The following ZZEF1 variants were observed in gnomAD, a reference collection of about 807,000 sequenced individuals.
ZZEF1 encodes zinc finger ZZ-type and EF-hand domain containing 1, also known as zinc finger ZZ-type and EF-hand domain-containing protein 1.
A neutral mutation model predicts 342.8 loss-of-function variants in ZZEF1; 157 were observed. The ratio of observed to expected loss-of-function variants is 0.46; its 90% CI spans 0.40 to 0.52. The LOEUF is 0.52. Among genes scored for constraint, ZZEF1 ranks in the 20% least tolerant of loss-of-function variants. The pLI, the probability that ZZEF1 is intolerant of heterozygous loss-of-function variation, is 0.00. For synonymous variants in ZZEF1, 1,505 were observed against 1,429.1 expected, an observed-to-expected ratio of 1.05 and a Z score of -1.20; for missense variants, 3,480 against 3,725.6, an observed-to-expected ratio of 0.93 and a Z score of 1.72.
intron 12 of ZZEF1, among the ~76,000 whole-genome samples, chr17:4,089,508 AGC>A (rs1274063390): frequency 2.0e-5 from 3 of 152,278 alleles, no homozygotes; most frequent in Non-Finnish European, 2.9e-5. Flanking sequence ...TCCAAGGTTT[AGC>A]AAAAAATTAA....
At chr17:4,104,127 T>G (rs187434041) in intron 8 of ZZEF1, among the ~76,000 whole-genome samples, 1 of 152,286 alleles carries the variant, frequency 6.6e-6, no homozygotes, top group Admixed American at 6.5e-5. Context: ...TATGAATTAC[T>G]GCTAGGCCCA....
rs548501924 is a variant in ZZEF1, at chr17:4,053,024, C to T, written c.5435-888G>A. 3.3e-5 allele frequency among the ~76,000 whole-genome samples: 5 copies of T among 152,330 alleles called. No homozygotes were observed. In the South Asian group the frequency reaches 6.2e-4, roughly 19 times the overall value. On this transcript the variant is annotated intron_variant, in intron 34 of 54. Transcript: ENST00000381638. ...GTCATGGACCCTAAAGAATGCTCCT[C>T]GCGCCTGGCCCACTTCTGTTCATTC...
chr17:4,113,616 G>C (rs970346267), intron 4 of ZZEF1, among the ~76,000 whole-genome samples: 2 of 151,090 alleles, frequency 1.3e-5, no homozygotes, highest in African/African-American at 4.9e-5. Flanking sequence ...AGTGAACAGA[G>C]ATCATGCCAC....
intron 5 of ZZEF1, among the ~76,000 whole-genome samples, chr17:4,111,648 G>C (rs1433853348): frequency 1.5e-5 from 1 of 65,520 alleles, no homozygotes; most frequent in Non-Finnish European, 3.2e-5. Flanking sequence ...GACAATGCGA[G>C]GCTCTGTCTC....
chr17:4,010,603 T>C (rs916922191), intron 52 of ZZEF1, among the ~76,000 whole-genome samples: 2 of 150,144 alleles, frequency 1.3e-5, no homozygotes, highest in African/African-American at 4.9e-5. Context: ...TGGGCGCCTG[T>C]AATCCCAGCT....
Position 4,034,257 on chromosome 17 carries a change from G to T in ZZEF1, c.6342C>A (p.Val2114=). 1 of 1,614,200 alleles carries T rather than the reference G, an allele frequency of 6.2e-7. No individual in the cohort carries two copies. The highest frequency in any genetic ancestry group is 8.5e-7 in the Non-Finnish European group (1 of 1,180,034). Reference sequence around the variant, plus strand: ...TGACAACCTGAAACATGAGTGGAAGGACGTGCTCCAGGTCTATCAGGGGAA... The same window carrying T: ...TGACAACCTGAAACATGAGTGGAAGTACGTGCTCCAGGTCTATCAGGGGAA... ...PTVPLIDLEH[V]LPLMFQVVIS... Residue 2114 remains valine, a synonymous_variant, in exon 40 of 55, where the codon GTC becomes GTA. Coordinates refer to ENST00000381638, the MANE Select transcript of ZZEF1 (RefSeq NM_015113.4).
chr17:4,103,797 G>A (rs2058165631), intron 8 of ZZEF1, among the ~76,000 whole-genome samples: 1 of 152,098 alleles, frequency 6.6e-6, no homozygotes, highest in African/African-American at 2.4e-5. Flanking sequence ...GCATGCACCT[G>A]TGGTCCCAGG....
intron 2 of ZZEF1, among the ~76,000 whole-genome samples, chr17:4,123,142 G>A (rs1380371821): frequency 2.0e-5 from 3 of 149,780 alleles, no homozygotes; most frequent in South Asian, 2.1e-4. Context: ...GAATGATCTC[G>A]ATCTCCTGAC....
chr17:4,004,544 T>C lies in ZZEF1; in HGVS notation c.*2346A>G, dbSNP rs541832411. 2.0e-5 allele frequency: 3 copies of C among 152,722 alleles called. No individual in the cohort carries two copies. In the South Asian group the frequency reaches 6.2e-4, roughly 32 times the overall value. The allele number at this position is 152,722 out of a possible 1,614,324, so 9.5% of individuals were successfully genotyped here. On this transcript the variant is annotated 3_prime_UTR_variant, in exon 55 of 55. Coordinates refer to ENST00000381638, the MANE Select transcript of ZZEF1 (RefSeq NM_015113.4). ...TACAGGCTGAACTCACTCAGGCTGA[T>C]AGAATCAAAATTCTTTCAACCAAAT...
At chr17:4,025,750 G>T (rs939041543) in intron 42 of ZZEF1, among the ~76,000 whole-genome samples, 3 of 151,734 alleles carry the variant, frequency 2.0e-5, no homozygotes, top group Admixed American at 2.0e-4. Context: ...AGAGAGACTG[G>T]ATTTACTCTC....
In ZZEF1 at chr17:4,044,383, A is replaced by T. The variant is rs115744090; in HGVS notation, c.6016-9T>A. On this transcript the variant is annotated splice_polypyrimidine_tract_variant and intron_variant, in intron 37 of 54. Transcript: ENST00000381638. ...TGAACAGCTCTCTTTCCCTAAAAAA[A>T]CAAAAGTGTAAAAGAATTAAGGTTT... The T allele has an allele frequency of 2.7e-5, 43 of 1,602,386 alleles. No individual in the cohort carries two copies. In the Middle Eastern group the frequency reaches 1.0e-3, roughly 37 times the overall value.
At chr17:4,115,098 C>T (rs541073433) in intron 3 of ZZEF1, among the ~76,000 whole-genome samples, 3 of 152,056 alleles carry the variant, frequency 2.0e-5, no homozygotes, top group Admixed American at 6.6e-5. Flanking sequence ...CACAGCTCAC[C>T]GCAGCCTCGA....
intron 52 of ZZEF1, among the ~76,000 whole-genome samples, chr17:4,012,359 C>T (rs1455893664): frequency 6.6e-6 from 1 of 152,200 alleles, no homozygotes; most frequent in Non-Finnish European, 1.5e-5. Flanking sequence ...TGTTCTCTCC[C>T]CTGACTTTGA....
At position 4,075,387 on chromosome 17, in the gene ZZEF1, G is replaced by A. The variant is rs1208446897; in HGVS notation, c.3277C>T (p.His1093Tyr). Residue 1093 changes from histidine (H) to tyrosine (Y), a missense_variant, in exon 22 of 55, where the codon CAT (histidine) becomes TAT (tyrosine). By Grantham distance (83) the His-to-Tyr change is moderately conservative (BLOSUM62 2). Around this residue, in one of 5 missense-constraint regions of ZZEF1, gnomAD observed 1,528 missense variants for 1,624.1 expected, o/e 0.94. Coordinates refer to ENST00000381638, the MANE Select transcript of ZZEF1 (RefSeq NM_015113.4). Reference protein sequence around the residue: ...TWQQEQPVVLHTWTKESAHNY... With the variant: ...TWQQEQPVVLYTWTKESAHNY... ...TGGGCAGATTCCTTCGTCCACGTAT[G>A]TAACACCACAGGCTGTTCCTGTTGC... 1.2e-6 allele frequency: 2 copies of A among 1,614,132 alleles called. No individual in the cohort carries two copies. Among genetic ancestry groups the A allele is most frequent in the African/African-American group, 1.3e-5 (1 of 74,934 alleles).
chr17:4,137,994 G>GT (rs969285089), intron 1 of ZZEF1, among the ~76,000 whole-genome samples: 11 of 99,498 alleles, frequency 1.1e-4, no homozygotes, highest in East Asian at 9.9e-4. Flanking sequence ...TGCGGGGGTA[G>GT]GGGGAAGATA....
chr17:4,039,384 C>T (rs62072400), intron 39 of ZZEF1, among the ~76,000 whole-genome samples: 17,936 of 151,846 alleles, frequency 0.12, 1,119 homozygotes, highest in Non-Finnish European at 0.14. Flanking sequence ...GCACAAGGAT[C>T]GCTTGAACCC....
intron 35 of ZZEF1, among the ~76,000 whole-genome samples, chr17:4,051,610 G>A (rs1452346868): frequency 6.6e-6 from 1 of 151,686 alleles, no homozygotes; most frequent in East Asian, 1.9e-4. Flanking sequence ...TAGTAGAGAC[G>A]GGGTTTCTCC....
At chr17:4,087,783 AACACACACACACACAC>A (rs10522603) in intron 13 of ZZEF1, among the ~76,000 whole-genome samples, 47 of 146,086 alleles carry the variant, frequency 3.2e-4, no homozygotes, top group African/African-American at 8.4e-4. Flanking sequence ...ATATACACAC[AACACACACACACACAC>A]ACACACACAC....
At chr17:4,119,884 G>A (rs1371200290) in intron 2 of ZZEF1, among the ~76,000 whole-genome samples, 1 of 152,160 alleles carries the variant, frequency 6.6e-6, no homozygotes, top group Admixed American at 6.5e-5. Context: ...CTCAAGAGAG[G>A]TGAATCGGGA....
Sources: gnomAD v4.1 joint callset for allele counts (sites outside exome capture counted in the v4.1 genomes callset) on GRCh38, gnomAD v4.1.1 for gene constraint, gnomAD v4.1.1 regional missense constraint, MANE v1.5 for transcripts, NCBI Gene and HGNC (gene_info 2026-07-23, HGNC 2026-07-21) for gene names.